The following WDR27 variants were observed in gnomAD, a reference collection of about 807,000 sequenced individuals.
WDR27 encodes the protein WD repeat-containing protein 27.
Under a neutral mutation model 114.4 loss-of-function variants are expected in WDR27, and 100 were observed. That is an observed-to-expected ratio of 0.87 (90% CI 0.74 to 1.03). The LOEUF (loss-of-function observed/expected upper bound fraction) is 1.03. WDR27 is among the 50% of genes least tolerant of loss of function. The probability of loss-of-function intolerance (pLI) is 0.00; values close to 1 mark genes in which losing one functional copy is unlikely to be tolerated. For missense variants in WDR27, 1,129 were observed against 1,092.9 expected, an observed-to-expected ratio of 1.03 and a Z score of -0.47; for synonymous variants, 449 against 423.1, an observed-to-expected ratio of 1.06 and a Z score of -0.75.
chr6:169,581,756 G>A (rs969633483), intron 24 of WDR27, among the ~76,000 whole-genome samples: 1 of 152,190 alleles, frequency 6.6e-6, no homozygotes, highest in Non-Finnish European at 1.5e-5. Flanking sequence ...AGTACCGCGT[G>A]TGCCAGGCAC....
At chr6:169,447,214 C>T in the WDR27 span, among the ~76,000 whole-genome samples, 1 of 152,082 alleles carries the variant, frequency 6.6e-6, no homozygotes, top group Non-Finnish European at 1.5e-5. Context: ...AACATTTTTC[C>T]AAAGTTGAAT....
intron 25 of WDR27, among the ~76,000 whole-genome samples, chr6:169,542,558 G>T (rs549938680): frequency 3.6e-4 from 55 of 152,148 alleles, no homozygotes; most frequent in African/African-American, 1.3e-3. Flanking sequence ...TCCTGAAGAG[G>T]AAAATGGTGA....
At chr6:169,527,835 G>T (rs144159190) in intron 25 of WDR27, among the ~76,000 whole-genome samples, 51 of 152,210 alleles carry the variant, frequency 3.4e-4, no homozygotes, top group Non-Finnish European at 5.6e-4. Flanking sequence ...CTAAGTAAAA[G>T]ATTTTTAAAA....
intron 23 of WDR27, among the ~76,000 whole-genome samples, chr6:169,595,879 T>C (rs1806695239): frequency 6.6e-6 from 1 of 151,962 alleles, no homozygotes; most frequent in Non-Finnish European, 1.5e-5. Context: ...AAAAAAAATT[T>C]AGCTGGATAT....
chr6:169,679,345 G>A (rs149578570), intron 2 of WDR27, among the ~76,000 whole-genome samples: 107 of 152,232 alleles, frequency 7.0e-4, no homozygotes, highest in African/African-American at 2.4e-3. Context: ...TCTTTTCGTC[G>A]ACAAGACTTT....
intron 17 of WDR27, among the ~76,000 whole-genome samples, chr6:169,642,387 T>C (rs1819438533): frequency 6.6e-6 from 1 of 151,394 alleles, no homozygotes; most frequent in African/African-American, 2.4e-5. Context: ...TGAGAAGCCC[T>C]TTTTCCAACA....
Position 169,627,661 on chromosome 6 carries a change from T to C in WDR27, c.2223+5286A>G, listed in dbSNP as rs1290026544. On this transcript the variant is annotated intron_variant, in intron 21 of 25. Transcript: ENST00000448612. ...GGAGCCTCCACATTGCTCAGGCAGG[T>C]GCAGCCACAGCATGGGGTGTGATGT... Among the ~76,000 whole-genome samples, 4 of 152,298 alleles carry C rather than the reference T, an allele frequency of 2.6e-5. No homozygotes were observed. The East Asian group carries it at 7.7e-4, about 29-fold the overall frequency.
At chr6:169,665,639 T>A in intron 6 of WDR27, 83 bp from the exon 7 acceptor site, 1 of 1,247,100 alleles carries the variant, frequency 8.0e-7, no homozygotes, top group Non-Finnish European at 1.1e-6. Context: ...TACTTATCTC[T>A]TTACACGTAA....
At chr6:169,672,449 G>A (rs1562895741) in intron 2 of WDR27, 53 bp from the exon 3 acceptor site, 1 of 1,476,662 alleles carries the variant, frequency 6.8e-7, no homozygotes, top group Non-Finnish European at 9.1e-7. Flanking sequence ...AAAAATAAGA[G>A]TATAACAACA....
At chr6:169,656,270 G>A (rs1824162906) in intron 13 of WDR27, among the ~76,000 whole-genome samples, 1 of 152,172 alleles carries the variant, frequency 6.6e-6, no homozygotes, top group African/African-American at 2.4e-5. Context: ...ATAGGTGAAG[G>A]GTGGGGGCCA....
intron 23 of WDR27, among the ~76,000 whole-genome samples, chr6:169,592,990 G>T (rs1806047203): frequency 6.6e-6 from 1 of 152,162 alleles, no homozygotes; most frequent in South Asian, 2.1e-4. Context: ...AATCATGCTT[G>T]CATTCTACGC....
chr6:169,531,137 T>C (rs1483189447), intron 25 of WDR27, among the ~76,000 whole-genome samples: 3 of 152,246 alleles, frequency 2.0e-5, no homozygotes, highest in African/African-American at 4.8e-5. Context: ...AATGAATGGA[T>C]ATATGGATTA....
At position 169,659,096 on chromosome 6, in the gene WDR27, C is replaced by G. The variant is rs537340101; in HGVS notation, c.1309G>C (p.Val437Leu). 6.4e-7 allele frequency: 1 copy of G among 1,558,232 alleles called. No individual in the cohort carries two copies. The highest frequency in any genetic ancestry group is 8.7e-7 in the Non-Finnish European group (1 of 1,154,966). ...QCPSMGQSLS[V>L]PASSCVLPTS... ...TTGAAGACACTCTACCTGGCTGGCACCGAGAGGCTCTGCCCCATGCTGGGG... is the reference window on the plus strand; with the variant it reads ...TTGAAGACACTCTACCTGGCTGGCAGCGAGAGGCTCTGCCCCATGCTGGGG... The change falls in exon 12 of 26, where the codon GTG (valine) becomes CTG (leucine). Residue 437 changes from valine to leucine, a missense_variant. Val to Leu is a conservative substitution (Grantham distance 32). Coordinates refer to ENST00000448612, the MANE Select transcript of WDR27 (RefSeq NM_182552.5). This position sits in a 1 kb window ranked among gnomAD's most constrained non-coding sequence, Gnocchi z 4.3.
chr6:169,644,297 C>A (rs1819942111), intron 16 of WDR27, among the ~76,000 whole-genome samples: 1 of 151,500 alleles, frequency 6.6e-6, no homozygotes, highest in African/African-American at 2.4e-5. Context: ...AAGCCTAGTT[C>A]ACAGGAGTCA....
chr6:169,686,513 A>C (rs2128294374), intron 2 of WDR27, among the ~76,000 whole-genome samples: 1 of 152,282 alleles, frequency 6.6e-6, no homozygotes, highest in Non-Finnish European at 1.5e-5. Context: ...GTGGACTACG[A>C]GAAACTCATC....
chr6:169,499,006 C>T (rs113039716), intron 25 of WDR27, among the ~76,000 whole-genome samples: 1 of 152,276 alleles, frequency 6.6e-6, no homozygotes, highest in East Asian at 1.9e-4. Context: ...AAAATGTGAA[C>T]AAGAGCATCA....
intron 25 of WDR27, among the ~76,000 whole-genome samples, chr6:169,557,262 T>C (rs1262587714): frequency 1.3e-5 from 2 of 152,148 alleles, no homozygotes; most frequent in African/African-American, 4.8e-5. Flanking sequence ...TTCAAAATCA[T>C]TACACAGAGG....
intron 23 of WDR27, among the ~76,000 whole-genome samples, chr6:169,597,889 C>T (rs1207985198): frequency 6.6e-6 from 1 of 151,214 alleles, no homozygotes; most frequent in Non-Finnish European, 1.5e-5. Context: ...CACACACACA[C>T]ACACACACAC....
chr6:169,537,040 T>C (rs1432892072), intron 25 of WDR27, among the ~76,000 whole-genome samples: 2 of 152,212 alleles, frequency 1.3e-5, no homozygotes, highest in Non-Finnish European at 2.9e-5. Flanking sequence ...AAGGGCTCTT[T>C]TCATAGCAAA....
Sources: gnomAD v4.1 joint callset for allele counts (sites outside exome capture counted in the v4.1 genomes callset) on GRCh38, gnomAD v4.1.1 for gene constraint, Gnocchi (gnomAD v3.1) non-coding constraint, MANE v1.5 for transcripts, NCBI Gene and HGNC (gene_info 2026-07-23, HGNC 2026-07-21) for gene names.